KCNS3: variants seen among roughly 807,000 people sequenced by gnomAD.
The protein encoded by KCNS3 is delayed-rectifier potassium channel regulatory subunit KCNS3.
In KCNS3, 13 loss-of-function variants were observed where a neutral mutation model predicts 31.0. The observed-to-expected ratio is 0.42, with a 90% CI of 0.27 to 0.67. KCNS3 has a LOEUF of 0.67. Ranked by LOEUF, KCNS3 falls within the 30% of genes least tolerant of loss-of-function variation. KCNS3 has a pLI of 0.25. For missense variants in KCNS3, 545 were observed against 622.4 expected (o/e 0.88, Z 1.32); for synonymous variants, 238 against 241.5 (o/e 0.99, Z 0.13).
chr2:17,905,014 G>C (rs1460496875), intron 1 of KCNS3, among the ~76,000 whole-genome samples: 1 of 152,204 alleles, frequency 6.6e-6, no homozygotes, highest in Non-Finnish European at 1.5e-5. Flanking sequence ...TTGGTAGCTT[G>C]ATGGGGATGG....
chr2:17,904,398 A>G (rs1572489145), intron 1 of KCNS3, among the ~76,000 whole-genome samples: 1 of 152,150 alleles, frequency 6.6e-6, no homozygotes, highest in East Asian at 1.9e-4. Flanking sequence ...ATGTTCTCCC[A>G]TTCTGTAGGT....
intron 1 of KCNS3, among the ~76,000 whole-genome samples, chr2:17,899,302 G>A (rs958904943): frequency 2.6e-5 from 4 of 152,036 alleles, no homozygotes; most frequent in African/African-American, 7.2e-5. Flanking sequence ...CATAATGTGC[G>A]AGACACTGTT....
intron 1 of KCNS3, among the ~76,000 whole-genome samples, chr2:17,880,154 C>T (rs910498939): frequency 6.6e-6 from 1 of 152,238 alleles, no homozygotes; most frequent in Non-Finnish European, 1.5e-5. Flanking sequence ...GAAGCACGCA[C>T]CTATCTCTTA....
chr2:17,889,136 C>T (rs1184941606), intron 1 of KCNS3, among the ~76,000 whole-genome samples: 2 of 151,980 alleles, frequency 1.3e-5, no homozygotes, highest in African/African-American at 4.8e-5. Flanking sequence ...TTGTAGAAGT[C>T]TTTTGACTCC....
chr2:17,901,637 G>A (rs913791571), intron 1 of KCNS3, among the ~76,000 whole-genome samples: 2 of 152,112 alleles, frequency 1.3e-5, no homozygotes, highest in Non-Finnish European at 1.5e-5. Flanking sequence ...GACATTGGCT[G>A]ATGAGAAGAG....
rs771816635 is a variant in KCNS3 at position 17,931,998 on chromosome 2, C to T, written c.990C>T (p.Phe330=). 6.2e-7 allele frequency: 1 copy of T among 1,614,124 alleles called. No homozygotes were observed. Among genetic ancestry groups the T allele is most frequent in the South Asian group, 1.1e-5 (1 of 91,076 alleles). The change falls in exon 3 of 3, where the codon TTC becomes TTT. Residue 330 remains phenylalanine (F), a synonymous_variant. Transcript: ENST00000304101. This position sits in a 1 kb window ranked among gnomAD's most constrained non-coding sequence, Gnocchi z 5.4. ...ATGAAGTTGGGCTTCTGCTTCTCTTCCTCTCTGTGGGCATTTCCATTTTCT... is the reference window on the plus strand; with the variant it reads ...ATGAAGTTGGGCTTCTGCTTCTCTTTCTCTCTGTGGGCATTTCCATTTTCT... ...SYHEVGLLLL[F]LSVGISIFSV... is the part of the protein sequence containing the mutation.
At position 17,917,757 on chromosome 2, in the gene KCNS3, A is replaced by T. The variant is rs1408102994; in HGVS notation, c.-174A>T. On this transcript the variant is annotated 5_prime_UTR_variant, in exon 2 of 3. An upstream start codon of the reference 5' UTR is lost. Coordinates refer to ENST00000304101, the MANE Select transcript of KCNS3 (RefSeq NM_002252.5). ...TTCTTCCCTTCTTTTTGGCCACCAAATGCCTATGTGCACCACACATTCCAG... is the reference window on the plus strand; with the variant it reads ...TTCTTCCCTTCTTTTTGGCCACCAATTGCCTATGTGCACCACACATTCCAG... 1 of 152,672 alleles carries T rather than the reference A, an allele frequency of 6.5e-6. No homozygotes were observed. Among genetic ancestry groups the T allele is most frequent in the African/African-American group, 2.4e-5 (1 of 41,448 alleles). The allele number at this position is 152,672 out of a possible 1,614,324, so 9.5% of individuals were successfully genotyped here.
intron 2 of KCNS3, among the ~76,000 whole-genome samples, chr2:17,925,131 C>T (rs1272631910): frequency 6.6e-6 from 1 of 151,960 alleles, no homozygotes; most frequent in East Asian, 1.9e-4. Flanking sequence ...CTGAATGGAC[C>T]CCTCCTCTAG....
At chr2:17,894,891 C>CCAT (rs1661986212) in intron 1 of KCNS3, among the ~76,000 whole-genome samples, 1 of 152,160 alleles carries the variant, frequency 6.6e-6, no homozygotes, top group South Asian at 2.1e-4. Flanking sequence ...CTTGGAAACT[C>CCAT]AGAGAGCTGG....
At chr2:17,886,325 G>A (rs1050025646) in intron 1 of KCNS3, among the ~76,000 whole-genome samples, 5 of 152,212 alleles carry the variant, frequency 3.3e-5, no homozygotes, top group African/African-American at 1.2e-4. Context: ...ACTGGCCAAA[G>A]AGATGGGAGA....
At chr2:17,906,985 C>T (rs1374197013) in intron 1 of KCNS3, among the ~76,000 whole-genome samples, 3 of 152,184 alleles carry the variant, frequency 2.0e-5, no homozygotes, top group Non-Finnish European at 4.4e-5. Flanking sequence ...CTGCTTGGTG[C>T]AGAGCTGAGT....
rs377738931 is a variant in KCNS3 at position 17,889,639 on chromosome 2, G to A, written c.-252+10833G>A. Among the ~76,000 whole-genome samples, 252 of 152,236 alleles carry A rather than the reference G, an allele frequency of 1.7e-3. 1 individual carries two copies. Among genetic ancestry groups the A allele is most frequent in the South Asian group, 0.013 (61 of 4,830 alleles). On this transcript the variant is annotated intron_variant, in intron 1 of 2. Coordinates refer to ENST00000304101, the MANE Select transcript of KCNS3 (RefSeq NM_002252.5). ...TTTGCTGAGAGTTTTAATCATAAAC[G>A]ATGCTGGATTTTGTCTAATGCTTTT...
At chr2:17,896,120 A>G (rs983407673) in intron 1 of KCNS3, among the ~76,000 whole-genome samples, 15 of 152,096 alleles carry the variant, frequency 9.9e-5, no homozygotes, top group African/African-American at 3.6e-4. Flanking sequence ...ATAGTTCACT[A>G]CAGCCTTCAA....
chr2:17,914,087 C>G (rs1662531009), intron 1 of KCNS3, among the ~76,000 whole-genome samples: 1 of 152,200 alleles, frequency 6.6e-6, no homozygotes, highest in Non-Finnish European at 1.5e-5. Flanking sequence ...AGTCAGCTAT[C>G]TCTTAGCCTT....
Position 17,931,925 on chromosome 2 carries a change from A to G in KCNS3, c.917A>G (p.His306Arg). Residue 306 changes from histidine to arginine, a missense_variant, in exon 3 of 3, where the codon CAC becomes CGC. By Grantham distance (29) the His-to-Arg change is conservative. Transcript: ENST00000304101. The surrounding 1 kb of genome is among the most constrained non-coding windows in gnomAD (Gnocchi z 5.4). ...TTCCGAATTCTAAAGCTTGCCCGGC[A>G]CTCGGTAGGACTTCGGTCTCTAGGT... Reference protein sequence around the residue: ...RIFRILKLARHSVGLRSLGAT... With the variant: ...RIFRILKLARRSVGLRSLGAT... 1 of 1,613,968 alleles carries G rather than the reference A, an allele frequency of 6.2e-7. No individual in the cohort carries two copies. The highest frequency in any genetic ancestry group is 8.5e-7 in the Non-Finnish European group (1 of 1,179,976).
Position 17,931,255 on chromosome 2 carries a change from T to C in KCNS3, c.247T>C (p.Tyr83His). 1 of 1,614,206 alleles carries C rather than the reference T, an allele frequency of 6.2e-7. No individual in the cohort carries two copies. The highest frequency in any genetic ancestry group is 8.5e-7 in the Non-Finnish European group (1 of 1,180,040). Reference sequence around the variant, plus strand: ...CTTGTTCAGATATGTTTTGAATTTTTATTACACGGGGAAGCTGCATGTCAT... The same window carrying C: ...CTTGTTCAGATATGTTTTGAATTTTCATTACACGGGGAAGCTGCATGTCAT... ...PSLFRYVLNF[Y>H]YTGKLHVMEE... Residue 83 changes from tyrosine (Y) to histidine (H), a missense_variant, in exon 3 of 3, where the codon TAT (tyrosine) becomes CAT (histidine). By Grantham distance (83) the Tyr-to-His change is moderately conservative. Coordinates refer to ENST00000304101, the MANE Select transcript of KCNS3 (RefSeq NM_002252.5). The surrounding 1 kb of genome is among the most constrained non-coding windows in gnomAD (Gnocchi z 5.4).
At chr2:17,895,202 A>T (rs890887435) in intron 1 of KCNS3, among the ~76,000 whole-genome samples, 1 of 152,212 alleles carries the variant, frequency 6.6e-6, no homozygotes, top group Non-Finnish European at 1.5e-5. Context: ...TCTTTTAAAA[A>T]GTTAAGTAAA....
intron 1 of KCNS3, among the ~76,000 whole-genome samples, chr2:17,900,173 T>C (rs986926172): frequency 1.3e-5 from 2 of 152,196 alleles, no homozygotes; most frequent in African/African-American, 4.8e-5. Context: ...TGCTTATTCA[T>C]TACTTTTGGC....
chr2:17,880,552 T>TATAC (rs1265493436), intron 1 of KCNS3, among the ~76,000 whole-genome samples: 3 of 152,262 alleles, frequency 2.0e-5, no homozygotes, highest in Non-Finnish European at 2.9e-5. Flanking sequence ...ATGTTGTGAA[T>TATAC]ATACTAAGGA....
Sources: allele counts gnomAD v4.1 joint callset (sites outside exome capture counted in the v4.1 genomes callset), GRCh38; gene constraint gnomAD v4.1.1; non-coding constraint Gnocchi (gnomAD v3.1); transcripts MANE v1.5; gene names NCBI Gene and HGNC (gene_info 2026-07-23, HGNC 2026-07-21).